The following MSH3 variants were observed in gnomAD, a reference collection of about 807,000 sequenced individuals.
The protein encoded by MSH3 is mutS homolog 3.
In MSH3, 106 loss-of-function variants were observed where a neutral mutation model predicts 123.3. The observed-to-expected ratio is 0.86, with a 90% CI of 0.73 to 1.01. The LOEUF (loss-of-function observed/expected upper bound fraction) is 1.01. MSH3 is among the 50% of genes least tolerant of loss of function. MSH3 has a pLI of 0.00. For synonymous variants in MSH3, 515 were observed against 481.4 expected (o/e 1.07, Z -0.91); for missense variants, 1,459 against 1,347.6 (o/e 1.08, Z -1.29).
At chr5:80,808,492 C>T (rs563787669) in intron 19 of MSH3, among the ~76,000 whole-genome samples, 117 of 152,234 alleles carry the variant, frequency 7.7e-4, no homozygotes, top group Non-Finnish European at 1.4e-3. Context: ...TCATTTTGTT[C>T]TCTCACTCAC....
At chr5:80,869,206 C>T (rs1580101485) in intron 22 of MSH3, among the ~76,000 whole-genome samples, 1 of 152,304 alleles carries the variant, frequency 6.6e-6, no homozygotes, top group African/African-American at 2.4e-5. Flanking sequence ...GTACACATCT[C>T]TTTAATAACT....
chr5:80,786,079 A>G (rs1029374039), intron 17 of MSH3, among the ~76,000 whole-genome samples: 6 of 152,092 alleles, frequency 3.9e-5, no homozygotes, highest in African/African-American at 1.2e-4. Context: ...CCAGCATGGC[A>G]CATGTATACA....
At chr5:80,754,474 A>G (rs1379841940) in intron 12 of MSH3, among the ~76,000 whole-genome samples, 1 of 152,164 alleles carries the variant, frequency 6.6e-6, no homozygotes, top group East Asian at 1.9e-4. Flanking sequence ...TGGTCAAGGT[A>G]TAATCTACTA....
chr5:80,814,954 T>C (rs765780921), intron 20 of MSH3, among the ~76,000 whole-genome samples: 2 of 152,262 alleles, frequency 1.3e-5, no homozygotes, highest in African/African-American at 2.4e-5. Flanking sequence ...AAGCATCGTG[T>C]ATATTTCTTA....
chr5:80,792,674 GT>G lies in MSH3; in HGVS notation c.2544-49del, dbSNP rs144568488. On this transcript the variant is annotated intron_variant, in intron 18 of 23. Coordinates refer to ENST00000265081, the MANE Select transcript of MSH3 (RefSeq NM_002439.5). ...CTGAAATTTTTCATGCTATCTTAGAGTTTTTTTTTTAAGGCTATTTCCATGC... is the reference window on the plus strand; with the variant it reads ...CTGAAATTTTTCATGCTATCTTAGAGTTTTTTTTTAAGGCTATTTCCATGC... 1.9e-3 allele frequency: 1,656 copies of G among 863,056 alleles called. 1 individual carries two copies. Among genetic ancestry groups the G allele is most frequent in the Non-Finnish European group, 2.4e-3 (1,321 of 562,050 alleles). The allele number at this position is 863,056 out of a possible 1,614,324, so 53.5% of individuals were successfully genotyped here. A position where few individuals can be genotyped will look rare whatever the true frequency, so the allele number is the denominator to read the frequency against.
chr5:80,851,106 T>A (rs1038668704), intron 20 of MSH3, among the ~76,000 whole-genome samples: 1 of 152,188 alleles, frequency 6.6e-6, no homozygotes, highest in Non-Finnish European at 1.5e-5. Context: ...CTGTTTACTC[T>A]TTCTCTTATT....
chr5:80,699,620 A>G (rs1390965356), intron 8 of MSH3, among the ~76,000 whole-genome samples: 1 of 151,062 alleles, frequency 6.6e-6, no homozygotes, highest in Non-Finnish European at 1.5e-5. Context: ...ATTAACATAT[A>G]TGGTAATCAA....
chr5:80,779,499 C>T (rs1043629302), intron 17 of MSH3, among the ~76,000 whole-genome samples: 1 of 151,648 alleles, frequency 6.6e-6, no homozygotes, highest in South Asian at 2.1e-4. Context: ...GGACATTCTA[C>T]TATATAATCT....
chr5:80,673,451 C>T (rs1264385144), intron 6 of MSH3, among the ~76,000 whole-genome samples: 1 of 152,144 alleles, frequency 6.6e-6, no homozygotes, highest in Non-Finnish European at 1.5e-5. Flanking sequence ...ATCACGTCAG[C>T]CTAGGAAGTA....
chr5:80,655,291 T>A, intron 1 of MSH3: 1 of 259,082 alleles, frequency 3.9e-6, no homozygotes, highest in Middle Eastern at 1.1e-3. Context: ...ATCCTTTTTT[T>A]TTTTCCTTGG....
Position 80,733,367 on chromosome 5 carries a change from T to C in MSH3, c.1568+4402T>C, listed in dbSNP as rs974554317. 3.3e-5 allele frequency among the ~76,000 whole-genome samples: 5 copies of C among 152,174 alleles called. No individual in the cohort carries two copies. In the East Asian group the frequency reaches 5.8e-4, roughly 18 times the overall value. Reference sequence around the variant, plus strand: ...GACCTGATATGAGTTAACACTGTTATACTCTTAGAAGAAAACATAGGTGTA... The same window carrying C: ...GACCTGATATGAGTTAACACTGTTACACTCTTAGAAGAAAACATAGGTGTA... On this transcript the variant is annotated intron_variant, in intron 10 of 23. Coordinates refer to ENST00000265081, the MANE Select transcript of MSH3 (RefSeq NM_002439.5).
intron 17 of MSH3, among the ~76,000 whole-genome samples, chr5:80,785,984 A>G (rs1230562625): frequency 1.8e-5 from 2 of 113,668 alleles, no homozygotes; most frequent in African/African-American, 6.8e-5. Context: ...CACTCTGGGG[A>G]CTGTTGTGGG....
At chr5:80,819,332 A>G (rs1745159758) in intron 20 of MSH3, among the ~76,000 whole-genome samples, 1 of 150,204 alleles carries the variant, frequency 6.7e-6, no homozygotes, top group Admixed American at 6.7e-5. Flanking sequence ...TTCCCCATAT[A>G]TGTGTGTGTG....
At chr5:80,755,775 C>G (rs1743916664) in intron 12 of MSH3, among the ~76,000 whole-genome samples, 1 of 152,146 alleles carries the variant, frequency 6.6e-6, no homozygotes, top group South Asian at 2.1e-4. Flanking sequence ...AGACAGGAGA[C>G]AGGGTCTTGG....
chr5:80,669,255 G>C (rs1011830543), intron 3 of MSH3, among the ~76,000 whole-genome samples: 3 of 151,994 alleles, frequency 2.0e-5, no homozygotes, highest in African/African-American at 7.3e-5. Context: ...GGGCCATTTT[G>C]CTTCTCTCTC....
At chr5:80,698,797 C>A (rs1261315227) in intron 8 of MSH3, among the ~76,000 whole-genome samples, 2 of 146,340 alleles carry the variant, frequency 1.4e-5, no homozygotes, top group Non-Finnish European at 3.0e-5. Context: ...CACCGGGGGG[C>A]CTGTTGTGGG....
chr5:80,808,489 G>T (rs1459214019), intron 19 of MSH3, among the ~76,000 whole-genome samples: 2 of 152,116 alleles, frequency 1.3e-5, no homozygotes, highest in African/African-American at 4.8e-5. Flanking sequence ...GGGTCATTTT[G>T]TTCTCTCACT....
intron 20 of MSH3, among the ~76,000 whole-genome samples, chr5:80,841,945 A>G (rs1432394429): frequency 6.6e-6 from 1 of 152,104 alleles, no homozygotes; most frequent in Non-Finnish European, 1.5e-5. Context: ...TTTTGTTGCC[A>G]TTGCTTTTGG....
At chr5:80,731,843 C>G (rs1346823735) in intron 10 of MSH3, among the ~76,000 whole-genome samples, 1 of 152,164 alleles carries the variant, frequency 6.6e-6, no homozygotes, top group Non-Finnish European at 1.5e-5. Flanking sequence ...TATAAACATA[C>G]TTTATGCTGC....
Sources: allele counts gnomAD v4.1 joint callset (sites outside exome capture counted in the v4.1 genomes callset), GRCh38; gene constraint gnomAD v4.1.1; transcripts MANE v1.5; gene names NCBI Gene and HGNC (gene_info 2026-07-23, HGNC 2026-07-21).